Variants in ERG observed in about 807,000 individuals in gnomAD.
ERG encodes the protein ETS transcription factor ERG, also known as transcriptional regulator ERG.
ERG carries 9 observed loss-of-function variants against 55.3 expected under a neutral mutation model. The ratio of observed to expected loss-of-function variants is 0.16; its 90% CI spans 0.10 to 0.28. The LOEUF (loss-of-function observed/expected upper bound fraction) is 0.28. ERG is among the 10% of genes least tolerant of loss of function. The probability of loss-of-function intolerance (pLI) is 1.00; values close to 1 mark genes in which losing one functional copy is unlikely to be tolerated. For missense variants in ERG, 434 were observed against 631.6 expected (o/e 0.69, Z 3.35); for synonymous variants, 223 against 237.3 (o/e 0.94, Z 0.55).
At position 38,491,183 on chromosome 21, in the gene ERG, C is replaced by T. The variant is rs140400971; in HGVS notation, c.18+7180G>A. On this transcript the variant is annotated intron_variant, in intron 1 of 9. Coordinates refer to ENST00000288319, the MANE Select transcript of ERG (RefSeq NM_182918.4). ...CAGTTTCTTCTTCCTCAAAGGTGAG[C>T]ATCATGTGCACACTGTCAAAATTAA... 2.4e-3 allele frequency among the ~76,000 whole-genome samples: 357 copies of T among 148,034 alleles called. 3 individuals are homozygous for T. Among genetic ancestry groups the T allele is most frequent in the African/African-American group, 8.4e-3 (338 of 40,232 alleles).
In ERG at chr21:38,505,213, G is replaced by A. The variant is rs376683341; in HGVS notation, c.-41+70449C>T. ...GCATGAGTATCACCAGGCTACCTGC[G>A]GATGCAATGAAGCCCTATACCCGTG... On this transcript the variant is annotated intron_variant, in intron 2 of 8. Coordinates refer to the ERG transcript ENST00000398897. 5.1e-4 allele frequency among the ~76,000 whole-genome samples: 77 copies of A among 152,244 alleles called. No individual in the cohort carries two copies. The East Asian group carries it at 0.013, about 26-fold the overall frequency.
At chr21:38,616,296 G>C (rs1213048187) in intron 1 of ERG, among the ~76,000 whole-genome samples, 1 of 152,078 alleles carries the variant, frequency 6.6e-6, no homozygotes, top group Non-Finnish European at 1.5e-5. Flanking sequence ...CTTTATAGGA[G>C]CATGAGAATG....
chr21:38,413,035 C>G (rs776901835), intron 3 of ERG, among the ~76,000 whole-genome samples: 1 of 152,152 alleles, frequency 6.6e-6, no homozygotes. Flanking sequence ...GGTGGGGACT[C>G]GGGTAATGAC....
At chr21:38,557,579 A>G (rs1373833552) in intron 2 of ERG, among the ~76,000 whole-genome samples, 1 of 152,246 alleles carries the variant, frequency 6.6e-6, no homozygotes, top group African/African-American at 2.4e-5. Context: ...ATATATGTGT[A>G]TGTTTTTTTA....
At chr21:38,597,556 T>A (rs919632966) in intron 1 of ERG, among the ~76,000 whole-genome samples, 1 of 151,898 alleles carries the variant, frequency 6.6e-6, no homozygotes, top group Non-Finnish European at 1.5e-5. Flanking sequence ...TCCTGTTGGA[T>A]CTTTCTGGAG....
chr21:38,539,793 C>T (rs553581490), intron 2 of ERG, among the ~76,000 whole-genome samples: 3 of 152,162 alleles, frequency 2.0e-5, no homozygotes, highest in South Asian at 2.1e-4. Context: ...AGCACGTATA[C>T]CCATGCTCTG....
At chr21:38,451,497 A>G (rs956167031) in intron 1 of ERG, among the ~76,000 whole-genome samples, 11 of 152,210 alleles carry the variant, frequency 7.2e-5, no homozygotes, top group African/African-American at 2.7e-4. Context: ...AGTACCATTT[A>G]TAAATATGCT....
At chr21:38,421,754 C>T (rs1253976246) in intron 3 of ERG, among the ~76,000 whole-genome samples, 2 of 152,242 alleles carry the variant, frequency 1.3e-5, no homozygotes, top group African/African-American at 4.8e-5. Flanking sequence ...CACTGAGCAC[C>T]TCCCACTTAC....
intron 2 of ERG, among the ~76,000 whole-genome samples, chr21:38,506,734 G>A (rs2059463800): frequency 6.6e-6 from 1 of 152,038 alleles, no homozygotes; most frequent in Non-Finnish European, 1.5e-5. Context: ...ATATACCAAG[G>A]AATCGTGAGG....
intron 2 of ERG, among the ~76,000 whole-genome samples, chr21:38,436,360 A>G (rs542890520): frequency 6.6e-6 from 1 of 152,274 alleles, no homozygotes; most frequent in East Asian, 1.9e-4. Context: ...TGTTTCTAAA[A>G]TGTGTAACAT....
chr21:38,581,089 G>A (rs1420044633), intron 1 of ERG, among the ~76,000 whole-genome samples: 2 of 152,164 alleles, frequency 1.3e-5, no homozygotes, highest in African/African-American at 2.4e-5. Context: ...ACAGGCTGGT[G>A]CAGCCCAAAA....
Position 38,530,645 on chromosome 21 carries a change from C to T in ERG, c.-41+45017G>A, listed in dbSNP as rs182113833. 1.6e-3 allele frequency among the ~76,000 whole-genome samples: 240 copies of T among 152,318 alleles called. 1 individual carries two copies. The highest frequency in any genetic ancestry group is 5.3e-3 in the African/African-American group (220 of 41,574). On this transcript the variant is annotated intron_variant, in intron 2 of 8. Coordinates refer to the ERG transcript ENST00000398897. ...ATCCCTCTCAATCTACCATCTACAT[C>T]ATTAGGCGACATCTTCATTTCCTGA...
At chr21:38,645,923 C>T (rs143174262) in intron 1 of ERG, among the ~76,000 whole-genome samples, 21 of 152,208 alleles carry the variant, frequency 1.4e-4, no homozygotes, top group Non-Finnish European at 2.1e-4. Flanking sequence ...AGGAAGACGT[C>T]GACCAGCACA....
chr21:38,407,495 T>C (rs1363217844), intron 3 of ERG, among the ~76,000 whole-genome samples: 1 of 151,702 alleles, frequency 6.6e-6, no homozygotes, highest in Non-Finnish European at 1.5e-5. Context: ...GGAAAGGAGA[T>C]GGGGAATTTT....
intron 1 of ERG, among the ~76,000 whole-genome samples, chr21:38,582,749 C>T (rs1912163461): frequency 6.6e-6 from 1 of 151,914 alleles, no homozygotes; most frequent in East Asian, 1.9e-4. Context: ...TAAAATGTTG[C>T]AACTTTTTTT....
At chr21:38,367,612 A>G in the ERG span, 1 of 524,902 alleles carries the variant, frequency 1.9e-6, no homozygotes, top group African/African-American at 1.9e-5. Context: ...CACATCTGCT[A>G]TATTCTATTC....
chr21:38,565,951 A>C (rs367724497), intron 2 of ERG, among the ~76,000 whole-genome samples: 2 of 152,354 alleles, frequency 1.3e-5, no homozygotes, highest in African/African-American at 4.8e-5. Flanking sequence ...CTTGTTGATA[A>C]GTGTGTGAAG....
chr21:38,593,993 G>A (rs146238755), intron 1 of ERG, among the ~76,000 whole-genome samples: 14 of 151,644 alleles, frequency 9.2e-5, no homozygotes, highest in African/African-American at 2.4e-4. Context: ...TTCCCAATTC[G>A]TATATCACAT....
At chr21:38,440,745 T>G (rs957054586) in intron 2 of ERG, among the ~76,000 whole-genome samples, 1 of 139,654 alleles carries the variant, frequency 7.2e-6, no homozygotes, top group Admixed American at 8.1e-5. Flanking sequence ...GCCGAGATTG[T>G]GCCATTGCAT....
Sources: gnomAD v4.1 joint callset for allele counts (sites outside exome capture counted in the v4.1 genomes callset) on GRCh38, gnomAD v4.1.1 for gene constraint, MANE v1.5 for transcripts, NCBI Gene and HGNC (gene_info 2026-07-23, HGNC 2026-07-21) for gene names.